The following LRRC4C variants were observed in gnomAD, a reference collection of about 807,000 sequenced individuals.
LRRC4C encodes leucine-rich repeat-containing protein 4C.
In LRRC4C, 5 loss-of-function variants were observed where a neutral mutation model predicts 33.6. The observed-to-expected ratio is 0.15, with a 90% CI of 0.08 to 0.31. The LOEUF is 0.31. Among genes scored for constraint, LRRC4C ranks in the 10% least tolerant of loss-of-function variants. The probability of loss-of-function intolerance (pLI) is 1.00; values close to 1 mark genes in which losing one functional copy is unlikely to be tolerated. For missense variants in LRRC4C, 560 were observed against 796.7 expected, an observed-to-expected ratio of 0.70 and a Z score of 3.58; for synonymous variants, 329 against 302.0, an observed-to-expected ratio of 1.09 and a Z score of -0.93.
At chr11:40,132,593 T>A (rs367615215) in intron 6 of LRRC4C, among the ~76,000 whole-genome samples, 1 of 152,236 alleles carries the variant, frequency 6.6e-6, no homozygotes, top group Non-Finnish European at 1.5e-5. Flanking sequence ...AATGCATTGA[T>A]GTTTATCTCT....
rs56684958 is a variant in LRRC4C, at chr11:40,952,849, A to AACACACAC, written c.-495-19134_-495-19127dup. Among the ~76,000 whole-genome samples the AACACACAC allele has an allele frequency of 4.6e-3, 520 of 112,738 alleles. 6 individuals carry two copies. The highest frequency in any genetic ancestry group is 0.016 in the African/African-American group (428 of 26,942). The allele number at this position is 112,738 out of a possible 152,430, so 74.0% of individuals were successfully genotyped here. A position where few individuals can be genotyped will look rare whatever the true frequency, so the allele number is the denominator to read the frequency against. On this transcript the variant is annotated intron_variant, in intron 1 of 6. Transcript: ENST00000528697. ...TCACACACACCTCTGTCTATTTCCA[A>AACACACAC]ACACACACACACACACACACACACA... is the stretch of plus-strand genomic sequence containing the variant.
rs74626795 is a variant in LRRC4C at position 40,417,859 on chromosome 11, G to A, written c.-269-98138C>T. 7.6e-3 allele frequency among the ~76,000 whole-genome samples: 1,158 copies of A among 152,228 alleles called. 14 individuals are homozygous for A. The highest frequency in any genetic ancestry group is 0.026 in the African/African-American group (1,080 of 41,532). ...GTATGGGTTAGGGTTTATCTGCTAC[G>A]CAAAAATGGTAAAAGCCAAATCTAA... On this transcript the variant is annotated intron_variant, in intron 3 of 6. Coordinates refer to ENST00000528697, the MANE Select transcript of LRRC4C (RefSeq NM_001258419.2).
At chr11:40,774,718 A>C (rs951886286) in intron 2 of LRRC4C, among the ~76,000 whole-genome samples, 63 of 152,306 alleles carry the variant, frequency 4.1e-4, no homozygotes, top group African/African-American at 1.5e-3. Flanking sequence ...ATATTGGAAA[A>C]AAATTTAAAA....
intron 1 of LRRC4C, among the ~76,000 whole-genome samples, chr11:41,136,574 C>G (rs1360917853): frequency 6.6e-6 from 1 of 152,138 alleles, no homozygotes; most frequent in Non-Finnish European, 1.5e-5. Flanking sequence ...ATCTTTCCGA[C>G]AGCAGTTATT....
intron 1 of LRRC4C, among the ~76,000 whole-genome samples, chr11:41,346,155 C>G (rs1951797272): frequency 6.6e-6 from 1 of 152,138 alleles, no homozygotes; most frequent in Non-Finnish European, 1.5e-5. Context: ...ATCTTCCTGG[C>G]TTGGCCAAGC....
At chr11:40,240,560 C>G (rs929037938) in intron 5 of LRRC4C, among the ~76,000 whole-genome samples, 2 of 152,170 alleles carry the variant, frequency 1.3e-5, no homozygotes, top group African/African-American at 4.8e-5. Context: ...CATGCACACT[C>G]TTGATGAAAG....
chr11:41,228,366 T>G (rs561392194), intron 1 of LRRC4C, among the ~76,000 whole-genome samples: 1 of 152,268 alleles, frequency 6.6e-6, no homozygotes, highest in Non-Finnish European at 1.5e-5. Flanking sequence ...CATCCTTGAA[T>G]TGAAGTTTAG....
chr11:41,396,844 G>T (rs1591427413), intron 1 of LRRC4C, among the ~76,000 whole-genome samples: 1 of 151,936 alleles, frequency 6.6e-6, no homozygotes, highest in East Asian at 1.9e-4. Flanking sequence ...CTGACAAATG[G>T]AACCTAATTA....
At chr11:40,630,330 C>CTCTTCTTCTTCTTCTTCTTCTTCTTCT (rs200043868) in intron 3 of LRRC4C, among the ~76,000 whole-genome samples, 14 of 135,564 alleles carry the variant, frequency 1.0e-4, no homozygotes, top group African/African-American at 3.6e-4. Context: ...TTTCTTCTTC[C>CTCTTCTTCTTCTTCTTCTTCTTCTTCT]TCTTCTTCTT....
At chr11:41,152,437 C>T (rs367995259) in intron 1 of LRRC4C, among the ~76,000 whole-genome samples, 7 of 152,144 alleles carry the variant, frequency 4.6e-5, no homozygotes, top group East Asian at 3.9e-4. Flanking sequence ...TCTGAAGTCC[C>T]TGATAGCCTG....
intron 3 of LRRC4C, among the ~76,000 whole-genome samples, chr11:40,536,559 C>T (rs1026945026): frequency 1.3e-5 from 2 of 152,154 alleles, no homozygotes; most frequent in African/African-American, 2.4e-5. Context: ...GAACGTCTAT[C>T]CAATCAAGCT....
rs59538764 is a variant in LRRC4C, at chr11:40,429,568, T to TAAAA, written c.-269-109851_-269-109848dup. On this transcript the variant is annotated intron_variant, in intron 3 of 6. Transcript: ENST00000528697. ...TCTTTTGAATCAGGTGCAATAATAA[T>TAAAA]AAAAAAAAAACAAAACAAAACATGT... Among the ~76,000 whole-genome samples the TAAAA allele has an allele frequency of 2.3e-3, 340 of 147,702 alleles. 1 individual carries two copies. Among genetic ancestry groups the TAAAA allele is most frequent in the African/African-American group, 8.2e-3 (325 of 39,588 alleles).
intron 3 of LRRC4C, among the ~76,000 whole-genome samples, chr11:40,646,894 C>A (rs1942498359): frequency 6.6e-6 from 1 of 152,202 alleles, no homozygotes; most frequent in Non-Finnish European, 1.5e-5. Context: ...GTGTGAGCCA[C>A]TGTGCCTGGC....
chr11:41,129,838 C>A (rs975269803), intron 1 of LRRC4C, among the ~76,000 whole-genome samples: 2 of 152,028 alleles, frequency 1.3e-5, no homozygotes, highest in South Asian at 4.1e-4. Context: ...TTTCTCCCCA[C>A]ATGTGTTTAA....
chr11:40,291,872 T>C lies in LRRC4C; in HGVS notation c.-176+27756A>G, dbSNP rs373534311. On this transcript the variant is annotated intron_variant, in intron 4 of 6. Transcript: ENST00000528697. ...GGGGCTGACAAACAACTTAAATGCA[T>C]TCTGGAGTGTCAGTCACACAGCACT... Among the ~76,000 whole-genome samples, 113 of 152,054 alleles carry C rather than the reference T, an allele frequency of 7.4e-4. 1 individual carries two copies. The highest frequency in any genetic ancestry group is 2.6e-3 in the African/African-American group (108 of 41,496).
chr11:41,293,684 G>C (rs1950054756), intron 1 of LRRC4C, among the ~76,000 whole-genome samples: 2 of 151,888 alleles, frequency 1.3e-5, no homozygotes, highest in Non-Finnish European at 2.9e-5. Context: ...TGCTAACTCT[G>C]CCTCCTGGGT....
At chr11:40,960,126 AGGAAGGAG>A (rs1472851041) in intron 1 of LRRC4C, among the ~76,000 whole-genome samples, 2 of 151,504 alleles carry the variant, frequency 1.3e-5, no homozygotes, top group Non-Finnish European at 3.0e-5. Context: ...GAAAAAAGGA[AGGAAGGAG>A]GGAAGGAAGG....
intron 2 of LRRC4C, among the ~76,000 whole-genome samples, chr11:40,734,411 C>A (rs1947752855): frequency 6.6e-6 from 1 of 152,168 alleles, no homozygotes; most frequent in African/African-American, 2.4e-5. Flanking sequence ...CCTTCCCTAA[C>A]CAAACCCGAT....
intron 5 of LRRC4C, among the ~76,000 whole-genome samples, chr11:40,221,548 T>C (rs1036853812): frequency 2.6e-5 from 4 of 152,122 alleles, no homozygotes; most frequent in African/African-American, 9.7e-5. Flanking sequence ...CCAGGTATAA[T>C]ACTAACGGAG....
Sources: allele counts gnomAD v4.1 joint callset (sites outside exome capture counted in the v4.1 genomes callset), GRCh38; gene constraint gnomAD v4.1.1; transcripts MANE v1.5; gene names NCBI Gene and HGNC (gene_info 2026-07-23, HGNC 2026-07-21).